The following SLC7A2 variants were observed in gnomAD, a reference collection of about 807,000 sequenced individuals.
The protein encoded by SLC7A2 is cationic amino acid transporter 2.
SLC7A2 carries 48 observed loss-of-function variants against 58.9 expected under a neutral mutation model. The ratio of observed to expected loss-of-function variants is 0.82; its 90% CI spans 0.65 to 1.04. The LOEUF is 1.04. SLC7A2 is among the 50% of genes least tolerant of loss of function. SLC7A2 has a pLI of 0.00. For synonymous variants in SLC7A2, 363 were observed against 314.5 expected, an observed-to-expected ratio of 1.15 and a Z score of -1.63; for missense variants, 1,029 against 818.8, an observed-to-expected ratio of 1.26 and a Z score of -3.13.
intron 2 of SLC7A2, among the ~76,000 whole-genome samples, chr8:17,536,084 G>T (rs979811280): frequency 1.4e-5 from 2 of 147,280 alleles, no homozygotes; most frequent in African/African-American, 5.1e-5. Context: ...TCTGCCGCTA[G>T]CTTACTTCCA....
At chr8:17,512,249 T>C (rs567743141) in intron 2 of SLC7A2, among the ~76,000 whole-genome samples, 47 of 152,084 alleles carry the variant, frequency 3.1e-4, no homozygotes, top group African/African-American at 8.9e-4. Context: ...CCAAAATCCA[T>C]CATTAAAACA....
chr8:17,534,785 T>C (rs1413824008), intron 2 of SLC7A2, among the ~76,000 whole-genome samples: 1 of 152,098 alleles, frequency 6.6e-6, no homozygotes, highest in African/African-American at 2.4e-5. Flanking sequence ...TGATTCTCTG[T>C]TATTTTTATC....
intron 12 of SLC7A2, 104 bp downstream of exon 12, chr8:17,563,815 C>T (rs1803139889): frequency 1.4e-6 from 1 of 710,944 alleles, no homozygotes; most frequent in East Asian, 2.5e-5. Context: ...TTTCCCGCTT[C>T]TTTCTTTCCT....
At chr8:17,517,830 C>T (rs762131576) in intron 2 of SLC7A2, among the ~76,000 whole-genome samples, 144 of 151,908 alleles carry the variant, frequency 9.5e-4, no homozygotes, top group Non-Finnish European at 1.7e-3. Flanking sequence ...AGGGGGCTGC[C>T]GAGAGCCTGG....
In SLC7A2 at chr8:17,543,519, C is replaced by G. The variant is rs1802015259; in HGVS notation, c.180C>G (p.Ala60=). 1 of 1,613,662 alleles carries G rather than the reference C, an allele frequency of 6.2e-7. No individual in the cohort carries two copies. The highest frequency in any genetic ancestry group is 1.3e-5 in the African/African-American group (1 of 74,988). The change falls in exon 3 of 13, where the codon GCC becomes GCG. Residue 60 remains alanine, a synonymous_variant. Coordinates refer to ENST00000494857, the MANE Select transcript of SLC7A2 (RefSeq NM_001370338.1). ...TTTATGTCCTCGCTGGGGAGGTGGC[C>G]AAGGCAGACTCGGGCCCCAGCATCG... ...AGVYVLAGEV[A]KADSGPSIVV... is the part of the protein sequence containing the mutation.
At chr8:17,532,582 A>G (rs1801504255) in intron 2 of SLC7A2, among the ~76,000 whole-genome samples, 1 of 152,156 alleles carries the variant, frequency 6.6e-6, no homozygotes, top group Non-Finnish European at 1.5e-5. Context: ...TTGAACAGCT[A>G]ATAAGTTGAA....
chr8:17,549,442 C>G (rs1056915104), intron 5 of SLC7A2, among the ~76,000 whole-genome samples: 2 of 152,222 alleles, frequency 1.3e-5, no homozygotes, highest in African/African-American at 4.8e-5. Flanking sequence ...TTCCCAGCCT[C>G]AAGCTCTGCT....
At chr8:17,530,432 A>G (rs1010389601) in intron 2 of SLC7A2, among the ~76,000 whole-genome samples, 2 of 152,174 alleles carry the variant, frequency 1.3e-5, no homozygotes, top group African/African-American at 4.8e-5. Flanking sequence ...AAACTGGGCT[A>G]CAGTACTCGT....
intron 2 of SLC7A2, among the ~76,000 whole-genome samples, chr8:17,537,476 T>C (rs914703070): frequency 6.6e-6 from 1 of 152,152 alleles, no homozygotes; most frequent in Non-Finnish European, 1.5e-5. Flanking sequence ...TCGTAAGAGC[T>C]TCAAGAACAT....
At chr8:17,512,299 C>A (rs183452477) in intron 2 of SLC7A2, among the ~76,000 whole-genome samples, 2 of 151,910 alleles carry the variant, frequency 1.3e-5, no homozygotes, top group Admixed American at 1.3e-4. Context: ...GTAATCCTAG[C>A]ACTTTGGGAG....
At chr8:17,554,805 T>G (rs1208854861) in intron 8 of SLC7A2, 106 bp downstream of exon 8, 16 of 1,452,556 alleles carry the variant, frequency 1.1e-5, no homozygotes, top group Non-Finnish European at 1.5e-5. Flanking sequence ...TTCCAAGAAG[T>G]TCAGTCACTT....
intron 1 of SLC7A2, among the ~76,000 whole-genome samples, chr8:17,499,622 G>T (rs1039170185): frequency 6.6e-6 from 1 of 150,682 alleles, no homozygotes; most frequent in Admixed American, 6.7e-5. Flanking sequence ...AAAAGCAAAA[G>T]CTTTCAGTGG....
Position 17,535,640 on chromosome 8 carries a change from C to A in SLC7A2, c.-22-7678C>A, listed in dbSNP as rs537418788. 2.0e-5 allele frequency among the ~76,000 whole-genome samples: 3 copies of A among 152,154 alleles called. No homozygotes were observed. The East Asian group carries it at 5.8e-4, about 29-fold the overall frequency. On this transcript the variant is annotated intron_variant, in intron 2 of 12. Coordinates refer to ENST00000494857, the MANE Select transcript of SLC7A2 (RefSeq NM_001370338.1). ...ATTTTTGGCCGGGCGCGGTGGCTTA[C>A]GCCTGTAATCCCAGCACTTTGGGAA...
chr8:17,540,145 G>C (rs1396322977), intron 2 of SLC7A2, among the ~76,000 whole-genome samples: 1 of 152,054 alleles, frequency 6.6e-6, no homozygotes, highest in African/African-American at 2.4e-5. Flanking sequence ...CACCTGCTAG[G>C]ACTCAATAAA....
chr8:17,523,403 G>T (rs193027256), intron 2 of SLC7A2, among the ~76,000 whole-genome samples: 4 of 152,270 alleles, frequency 2.6e-5, no homozygotes, highest in Non-Finnish European at 5.9e-5. Flanking sequence ...CATGGTATTG[G>T]TATAAGAATA....
At chr8:17,536,908 C>T (rs773991299) in intron 2 of SLC7A2, among the ~76,000 whole-genome samples, 14 of 152,148 alleles carry the variant, frequency 9.2e-5, no homozygotes, top group African/African-American at 2.2e-4. Flanking sequence ...CAAACCATGT[C>T]GGGGAATCTT....
At chr8:17,534,978 G>C (rs1382934215) in intron 2 of SLC7A2, among the ~76,000 whole-genome samples, 1 of 151,924 alleles carries the variant, frequency 6.6e-6, no homozygotes, top group Non-Finnish European at 1.5e-5. Context: ...GAGCAGCTAA[G>C]AGTCCCTTGT....
intron 2 of SLC7A2, chr8:17,510,550 T>G (rs1047203889): frequency 6.6e-6 from 1 of 152,198 alleles, no homozygotes; most frequent in Admixed American, 6.5e-5. Context: ...TGGTATCTCA[T>G]TGTGGTTTTG....
intron 2 of SLC7A2, among the ~76,000 whole-genome samples, chr8:17,536,817 C>G (rs1433154746): frequency 6.6e-6 from 1 of 152,100 alleles, no homozygotes; most frequent in African/African-American, 2.4e-5. Context: ...CCGCTCAGTA[C>G]CATCTTGACC....
Sources: gnomAD v4.1 joint callset for allele counts (sites outside exome capture counted in the v4.1 genomes callset) on GRCh38, gnomAD v4.1.1 for gene constraint, MANE v1.5 for transcripts, NCBI Gene and HGNC (gene_info 2026-07-23, HGNC 2026-07-21) for gene names.